The following CC2D2A variants were observed in gnomAD, a reference collection of about 807,000 sequenced individuals.
CC2D2A encodes coiled-coil and C2 domain containing 2A.
Under a neutral mutation model 212.9 loss-of-function variants are expected in CC2D2A, and 155 were observed. That is an observed-to-expected ratio of 0.73 (90% CI 0.64 to 0.83). The LOEUF (loss-of-function observed/expected upper bound fraction) is 0.83, where lower values mean the gene tolerates loss of function less well. CC2D2A is among the 40% of genes least tolerant of loss of function. CC2D2A has a pLI of 0.00. For synonymous variants in CC2D2A, 667 were observed against 686.5 expected, an observed-to-expected ratio of 0.97 and a Z score of 0.44; for missense variants, 1,856 against 1,956.2, an observed-to-expected ratio of 0.95 and a Z score of 0.97.
intron 4 of CC2D2A, among the ~76,000 whole-genome samples, chr4:15,483,292 C>G (rs1338369854): frequency 1.3e-5 from 2 of 152,144 alleles, no homozygotes; most frequent in Non-Finnish European, 2.9e-5. Flanking sequence ...AGGGAGGTGA[C>G]AGAAGAATGG....
At chr4:15,542,442 C>T (rs1718503642) in intron 17 of CC2D2A, among the ~76,000 whole-genome samples, 2 of 152,104 alleles carry the variant, frequency 1.3e-5, no homozygotes, top group Non-Finnish European at 2.9e-5. Flanking sequence ...TTTCTCACTC[C>T]CCTCCACCAC....
At chr4:15,560,402 G>A (rs1439651425) in intron 22 of CC2D2A, 129 bp from the exon 23 acceptor site, 4 of 566,260 alleles carry the variant, frequency 7.1e-6, no homozygotes, top group Non-Finnish European at 1.3e-5. Context: ...GCATTGCAGA[G>A]GAAAGTAACA....
At chr4:15,596,410 G>A (rs989704121) in intron 34 of CC2D2A, among the ~76,000 whole-genome samples, 9 of 142,476 alleles carry the variant, frequency 6.3e-5, no homozygotes, top group African/African-American at 2.0e-4. Flanking sequence ...CACACATGTG[G>A]AAGAAAAAGT....
At chr4:15,510,514 T>G (rs2109006778) in intron 7 of CC2D2A, among the ~76,000 whole-genome samples, 1 of 152,300 alleles carries the variant, frequency 6.6e-6, no homozygotes, top group Admixed American at 6.5e-5. Context: ...GAGGATCACT[T>G]GAGCCCATGA....
At chr4:15,524,642 G>A (rs183530237) in intron 11 of CC2D2A, among the ~76,000 whole-genome samples, 9 of 150,896 alleles carry the variant, frequency 6.0e-5, no homozygotes, top group Admixed American at 1.3e-4. Context: ...CAGTAGAGAC[G>A]GGGTTTCACC....
intron 17 of CC2D2A, among the ~76,000 whole-genome samples, chr4:15,545,000 A>G (rs1456449600): frequency 6.6e-6 from 1 of 152,218 alleles, no homozygotes; most frequent in Non-Finnish European, 1.5e-5. Flanking sequence ...TTCTTAAGCT[A>G]TTTAAAGGGA....
chr4:15,600,054 C>A (rs1353051908), intron 36 of CC2D2A, among the ~76,000 whole-genome samples: 1 of 152,160 alleles, frequency 6.6e-6, no homozygotes, highest in Non-Finnish European at 1.5e-5. Flanking sequence ...ATACTGATTG[C>A]TTTTCATTGC....
intron 17 of CC2D2A, among the ~76,000 whole-genome samples, chr4:15,549,459 G>A (rs1008845746): frequency 6.6e-6 from 1 of 152,132 alleles, no homozygotes. Context: ...TTGCAAAGGT[G>A]AGTGATGGAT....
chr4:15,590,179 G>T (rs897611630), intron 33 of CC2D2A, among the ~76,000 whole-genome samples: 2 of 152,092 alleles, frequency 1.3e-5, no homozygotes, highest in Admixed American at 6.5e-5. Context: ...AGGGCTGCAT[G>T]ATTTTATTGT....
At chr4:15,516,584 AT>A in intron 10 of CC2D2A, 40 bp from the exon 11 acceptor site, 1 of 1,589,140 alleles carries the variant, frequency 6.3e-7, no homozygotes, top group Non-Finnish European at 8.6e-7. Flanking sequence ...TTTCTGTTCG[AT>A]TAGAAGAAAA....
chr4:15,593,714 C>T (rs548551190), intron 33 of CC2D2A, among the ~76,000 whole-genome samples: 1 of 152,276 alleles, frequency 6.6e-6, no homozygotes, highest in East Asian at 1.9e-4. Context: ...TATATCCAAA[C>T]CAAATCCTAC....
chr4:15,599,549 A>G lies in CC2D2A; in HGVS notation c.4517A>G (p.Glu1506Gly). 1 of 1,567,820 alleles carries G rather than the reference A, an allele frequency of 6.4e-7. No homozygotes were observed. Residue 1506 changes from glutamate to glycine, a missense_variant, in exon 36 of 37, where the codon GAA becomes GGA. Coordinates refer to ENST00000424120, the MANE Select transcript of CC2D2A (RefSeq NM_001378615.1). ...AACAGGATTGAAAAAATACTAAAAG[A>G]AAAAATCATGGACTGGAGGCCACGC... ...LQDRIEKILKEKIMDWRPRHL... is the reference protein window; with the variant it reads ...LQDRIEKILKGKIMDWRPRHL...
At chr4:15,573,297 G>A (rs1413788751) in intron 28 of CC2D2A, among the ~76,000 whole-genome samples, 2 of 152,038 alleles carry the variant, frequency 1.3e-5, no homozygotes, top group African/African-American at 4.8e-5. Context: ...ATAGTTTTTT[G>A]TTTTCGTTTT....
intron 33 of CC2D2A, among the ~76,000 whole-genome samples, chr4:15,590,843 TCTC>T (rs1721072467): frequency 6.6e-6 from 1 of 152,174 alleles, no homozygotes; most frequent in Non-Finnish European, 1.5e-5. Context: ...TTCATGCGAT[TCTC>T]CTACCTCAGC....
intron 17 of CC2D2A, among the ~76,000 whole-genome samples, chr4:15,550,488 A>T (rs1718940237): frequency 6.6e-6 from 1 of 152,192 alleles, no homozygotes; most frequent in South Asian, 2.1e-4. Flanking sequence ...GTCTGAATAC[A>T]ACCTGAGCCT....
intron 4 of CC2D2A, among the ~76,000 whole-genome samples, chr4:15,494,552 C>T (rs149674723): frequency 8.9e-4 from 135 of 152,310 alleles, no homozygotes; most frequent in African/African-American, 3.1e-3. Flanking sequence ...ACAAGTGACA[C>T]TAGTCTATTT....
intron 4 of CC2D2A, among the ~76,000 whole-genome samples, chr4:15,483,468 A>G (rs530455980): frequency 1.3e-5 from 2 of 152,350 alleles, no homozygotes; most frequent in East Asian, 1.9e-4. Context: ...ATCACCTATC[A>G]GTCCTTTCGA....
intron 17 of CC2D2A, among the ~76,000 whole-genome samples, chr4:15,548,071 A>T (rs1176232815): frequency 1.3e-5 from 2 of 151,956 alleles, no homozygotes; most frequent in African/African-American, 4.8e-5. Flanking sequence ...TAAATAAAAG[A>T]ACTTCTGCTA....
intron 30 of CC2D2A, among the ~76,000 whole-genome samples, chr4:15,581,664 T>C (rs1415765951): frequency 6.6e-6 from 1 of 152,206 alleles, no homozygotes; most frequent in Non-Finnish European, 1.5e-5. Flanking sequence ...AGTCTTGACT[T>C]TGGATGGAAG....
Sources: gnomAD v4.1 joint callset for allele counts (sites outside exome capture counted in the v4.1 genomes callset) on GRCh38, gnomAD v4.1.1 for gene constraint, MANE v1.5 for transcripts, NCBI Gene and HGNC (gene_info 2026-07-23, HGNC 2026-07-21) for gene names.